Variants in SNRPN observed in about 807,000 individuals in gnomAD.
The protein encoded by SNRPN is small nuclear ribonucleoprotein-associated protein N.
In SNRPN, 7 loss-of-function variants were observed where a neutral mutation model predicts 25.2. The observed-to-expected ratio is 0.28, with a 90% confidence interval of 0.16 to 0.52. The LOEUF is 0.52. Among genes scored for constraint, SNRPN ranks in the 20% least tolerant of loss-of-function variants. The pLI, the probability that SNRPN is intolerant of heterozygous loss-of-function variation, is 0.96. For synonymous variants in SNRPN, 124 were observed against 110.6 expected, an observed-to-expected ratio of 1.12 and a Z score of -0.76; for missense variants, 196 against 322.5, an observed-to-expected ratio of 0.61 and a Z score of 3.00.
chr15:24,880,770 G>GAAA (rs772413085), intron 1 of SNRPN, among the ~76,000 whole-genome samples: 10 of 151,646 alleles, frequency 6.6e-5, no homozygotes, highest in Non-Finnish European at 1.2e-4. Flanking sequence ...TTGAGACAGA[G>GAAA]TCTTGCTCTG....
chr15:24,923,245 C>T (rs2060144707), intron 3 of SNRPN, among the ~76,000 whole-genome samples: 1 of 152,092 alleles, frequency 6.6e-6, no homozygotes. Context: ...TGGGTTGTGT[C>T]TAGTCTGCAG....
chr15:24,877,432 A>G (rs2149282344), intron 1 of SNRPN, among the ~76,000 whole-genome samples: 1 of 152,354 alleles, frequency 6.6e-6, no homozygotes, highest in African/African-American at 2.4e-5. Flanking sequence ...ACAGAAAAAA[A>G]GGTGGGGTCC....
Position 24,889,264 on chromosome 15 carries a change from A to C in SNRPN, c.-505+2675A>C, listed in dbSNP as rs188015687. Among the ~76,000 whole-genome samples the C allele has an allele frequency of 2.6e-4, 40 of 151,628 alleles. 2 individuals carry two copies. In the East Asian group the frequency reaches 7.1e-3, roughly 27 times the overall value. On this transcript the variant is annotated intron_variant, in intron 2 of 11. Coordinates refer to the SNRPN transcript ENST00000400097. ...GAAAAAGAAAATTTGATTTATTTTA[A>C]AATATAATGGTTTAGTCTGTAGCAA...
intron 2 of SNRPN, among the ~76,000 whole-genome samples, chr15:24,888,464 G>T (rs1429829804): frequency 6.6e-6 from 1 of 152,072 alleles, no homozygotes; most frequent in Non-Finnish European, 1.5e-5. Flanking sequence ...CATCAGTTTT[G>T]TAATAGTTTA....
intron 2 of SNRPN, among the ~76,000 whole-genome samples, chr15:24,833,992 A>G (rs4028394): frequency 0.57 from 86,121 of 151,764 alleles, 24,781 homozygotes; most frequent in East Asian, 0.82. Flanking sequence ...GTGGCATGAT[A>G]TTGGCTCACT....
intron 3 of SNRPN, among the ~76,000 whole-genome samples, chr15:24,969,142 A>G (rs533606352): frequency 3.8e-4 from 57 of 151,964 alleles, no homozygotes; most frequent in Admixed American, 5.9e-4. Flanking sequence ...TAATTTATTT[A>G]TTTAGAGATG....
At chr15:24,845,221 ATATG>A (rs961798186) in intron 2 of SNRPN, among the ~76,000 whole-genome samples, 3 of 152,350 alleles carry the variant, frequency 2.0e-5, no homozygotes, top group Middle Eastern at 3.4e-3. Flanking sequence ...ATACATACAT[ATATG>A]TATTTGCTAT....
At chr15:24,922,648 TAACTG>T (rs1242718695) in intron 3 of SNRPN, among the ~76,000 whole-genome samples, 2 of 152,276 alleles carry the variant, frequency 1.3e-5, no homozygotes, top group Admixed American at 6.5e-5. Context: ...TGTTTATTCT[TAACTG>T]TATGTATTTT....
intron 2 of SNRPN, chr15:24,909,585 C>T (rs1418998628): frequency 7.8e-7 from 1 of 1,290,318 alleles, no homozygotes; most frequent in Non-Finnish European, 1.1e-6. Context: ...AGTTCGTGTG[C>T]ATATGCTGTG....
At chr15:24,924,558 A>G (rs952774219) in intron 3 of SNRPN, among the ~76,000 whole-genome samples, 3 of 152,062 alleles carry the variant, frequency 2.0e-5, no homozygotes, top group African/African-American at 7.2e-5. Flanking sequence ...AGTAATCAGC[A>G]CACCAAAGCA....
chr15:24,972,694 C>T lies in SNRPN; in HGVS notation c.-143-1617C>T, dbSNP rs75304235. Among the ~76,000 whole-genome samples the T allele has an allele frequency of 2.0e-5, 3 of 151,896 alleles. No homozygotes were observed. In the East Asian group the frequency reaches 5.8e-4, roughly 29 times the overall value. On this transcript the variant is annotated intron_variant, in intron 3 of 9. Coordinates refer to ENST00000390687, the MANE Select transcript of SNRPN (RefSeq NM_003097.6). ...ATTAGTATGATAAGCACTTCAAGACCCTTTACAATTCTGGCTAGATTTGGT... is the reference window on the plus strand; with the variant it reads ...ATTAGTATGATAAGCACTTCAAGACTCTTTACAATTCTGGCTAGATTTGGT...
chr15:24,937,377 G>C (rs1196808121), intron 3 of SNRPN, among the ~76,000 whole-genome samples: 1 of 151,924 alleles, frequency 6.6e-6, no homozygotes, highest in Non-Finnish European at 1.5e-5. Flanking sequence ...GAAAAAGCAA[G>C]ACAAAAACAA....
chr15:24,977,067 A>G (rs778834660), intron 7 of SNRPN, 38 bp downstream of exon 7: 31 of 1,502,198 alleles, frequency 2.1e-5, no homozygotes, highest in Admixed American at 9.4e-5. Flanking sequence ...TATTGGGAGA[A>G]TATGACTAAG....
At chr15:24,832,701 A>G (rs1417702886) in intron 2 of SNRPN, among the ~76,000 whole-genome samples, 1 of 152,038 alleles carries the variant, frequency 6.6e-6, no homozygotes, top group Non-Finnish European at 1.5e-5. Context: ...GGTCCATGGC[A>G]TCTTGGACTA....
chr15:24,885,908 C>A (rs1432192194), intron 1 of SNRPN, among the ~76,000 whole-genome samples: 1 of 152,124 alleles, frequency 6.6e-6, no homozygotes, highest in Non-Finnish European at 1.5e-5. Flanking sequence ...ATAGCGTGAA[C>A]AGACCAGAAC....
At chr15:24,933,707 G>T (rs1220982655) in intron 3 of SNRPN, among the ~76,000 whole-genome samples, 2 of 152,238 alleles carry the variant, frequency 1.3e-5, no homozygotes, top group African/African-American at 2.4e-5. Context: ...TGACTTACAG[G>T]TATAAGGAGA....
intron 1 of SNRPN, among the ~76,000 whole-genome samples, chr15:24,873,087 A>C (rs1344871084): frequency 8.3e-6 from 1 of 119,862 alleles, no homozygotes; most frequent in Non-Finnish European, 1.8e-5. Context: ...TCTGCTTCTC[A>C]TTACCAGTGT....
chr15:24,941,389 T>A (rs1455240649), intron 3 of SNRPN, among the ~76,000 whole-genome samples: 1 of 152,202 alleles, frequency 6.6e-6, no homozygotes, highest in African/African-American at 2.4e-5. Context: ...TGGTCACAGC[T>A]CATATTTGTA....
rs1566948300 is a variant in SNRPN at position 24,954,989 on chromosome 15, A to C, written c.-464A>C. ...GCCGCTGCTGCAGCGAGTCTGGCGC[A>C]GAGTGGAGCGGCCGCCGGAGATGCC... is the stretch of plus-strand genomic sequence containing the variant. On this transcript the variant is annotated 5_prime_UTR_variant, in exon 1 of 10. Transcript: ENST00000390687. 1 of 1,608,888 alleles carries C rather than the reference A, an allele frequency of 6.2e-7. No homozygotes were observed. Among genetic ancestry groups the C allele is most frequent in the Non-Finnish European group, 8.5e-7 (1 of 1,178,636 alleles).
Sources: allele counts gnomAD v4.1 joint callset (sites outside exome capture counted in the v4.1 genomes callset), GRCh38; gene constraint gnomAD v4.1.1; transcripts MANE v1.5; gene names NCBI Gene and HGNC (gene_info 2026-07-23, HGNC 2026-07-21).